The following SPATA13 variants were observed in gnomAD, a reference collection of about 807,000 sequenced individuals.
The protein encoded by SPATA13 is spermatogenesis-associated protein 13.
Under a neutral mutation model 104.0 loss-of-function variants are expected in SPATA13, and 50 were observed. That is an observed-to-expected ratio of 0.48 (90% confidence interval 0.38 to 0.61). The LOEUF (loss-of-function observed/expected upper bound fraction) is 0.61, where lower values mean the gene tolerates loss of function less well. Among genes scored for constraint, SPATA13 ranks in the 20% least tolerant of loss-of-function variants. The pLI is 0.00. For missense variants in SPATA13, 1,524 were observed against 1,690.6 expected, an observed-to-expected ratio of 0.90 and a Z score of 1.73; for synonymous variants, 606 against 667.5, an observed-to-expected ratio of 0.91 and a Z score of 1.42.
chr13:24,234,562 C>T (rs1477032926), intron 2 of SPATA13, among the ~76,000 whole-genome samples: 3 of 152,158 alleles, frequency 2.0e-5, no homozygotes, highest in Non-Finnish European at 2.9e-5. Context: ...GAAGGAATGC[C>T]GTACGTTTTG....
At chr13:24,197,282 G>A (rs1229908271) in intron 1 of SPATA13, among the ~76,000 whole-genome samples, 1 of 142,420 alleles carries the variant, frequency 7.0e-6, no homozygotes, top group Non-Finnish European at 1.5e-5. Flanking sequence ...AGACTCAGTA[G>A]GAAGAAATTG....
intron 1 of SPATA13, among the ~76,000 whole-genome samples, chr13:24,178,996 C>T (rs982247308): frequency 6.6e-6 from 1 of 152,222 alleles, no homozygotes; most frequent in Admixed American, 6.5e-5. Flanking sequence ...CTACATTTGA[C>T]TATTCTAGAC....
At chr13:23,988,253 G>C in intron 2 of SPATA13, among the ~76,000 whole-genome samples, 1 of 152,046 alleles carries the variant, frequency 6.6e-6, no homozygotes, top group East Asian at 1.9e-4. Flanking sequence ...AGCCAATTTT[G>C]TTCCTTTTTA....
intron 2 of SPATA13, among the ~76,000 whole-genome samples, chr13:23,990,742 G>C (rs942878): frequency 0.51 from 77,720 of 152,032 alleles, 21,061 homozygotes; most frequent in Non-Finnish European, 0.61. Context: ...CTTGTTTCCC[G>C]TGATCACCCA....
Position 24,077,402 on chromosome 13 carries a change from A to G in SPATA13, c.-112+59701A>G, listed in dbSNP as rs150774499. Among the ~76,000 whole-genome samples, 851 of 152,232 alleles carry G rather than the reference A, an allele frequency of 5.6e-3. 2 individuals are homozygous for G. The highest frequency in any genetic ancestry group is 8.3e-3 in the Non-Finnish European group (567 of 68,016). ...TGAGTTGACAAGTACATGTGATCAT[A>G]CTGGAACGAAAGAACAGATATAGTA... is the stretch of plus-strand genomic sequence containing the variant. On this transcript the variant is annotated intron_variant, in intron 3 of 14. Coordinates refer to the SPATA13 transcript ENST00000424834.
chr13:24,276,185 A>C (rs4238175), intron 4 of SPATA13, among the ~76,000 whole-genome samples: 2 of 152,156 alleles, frequency 1.3e-5, no homozygotes, highest in Non-Finnish European at 2.9e-5. Flanking sequence ...ATAGCCAAGT[A>C]GTAAAAGGAG....
chr13:24,248,883 C>CT (rs57863513), intron 2 of SPATA13, among the ~76,000 whole-genome samples: 63,562 of 144,008 alleles, frequency 0.44, 16,092 homozygotes, highest in East Asian at 0.61. Context: ...TGCTGATTTT[C>CT]TTTTTTTTTT....
Position 24,222,962 on chromosome 13 carries a change from C to G in SPATA13, c.33C>G (p.Pro11=). The G allele has an allele frequency of 1.3e-6, 2 of 1,551,278 alleles. No individual in the cohort carries two copies. Among genetic ancestry groups the G allele is most frequent in the Non-Finnish European group, 1.7e-6 (2 of 1,146,794 alleles). The change falls in exon 2 of 13, where the codon CCC becomes CCG. Residue 11 remains proline (P), a synonymous_variant. Transcript: ENST00000382108. MTQAAVRPWA[P]CLENMTTAPN... is the part of the protein sequence containing the mutation. ...AGGCTGCCGTGCGGCCCTGGGCACC[C>G]TGCCTGGAGAACATGACCACTGCCC...
chr13:24,025,835 A>C (rs1877187142), intron 3 of SPATA13, among the ~76,000 whole-genome samples: 1 of 140,580 alleles, frequency 7.1e-6, no homozygotes, highest in South Asian at 2.2e-4. Context: ...TTTGAGACGG[A>C]GTCTCACTCT....
intron 3 of SPATA13, among the ~76,000 whole-genome samples, chr13:24,026,672 G>T (rs1566077369): frequency 1.3e-5 from 2 of 152,100 alleles, no homozygotes; most frequent in Admixed American, 6.5e-5. Flanking sequence ...CCGCCTCCCG[G>T]GTTCACGCCA....
intron 2 of SPATA13, among the ~76,000 whole-genome samples, chr13:23,985,274 T>C (rs1347060181): frequency 6.6e-6 from 1 of 152,236 alleles, no homozygotes; most frequent in Non-Finnish European, 1.5e-5. Context: ...GCATGAAATG[T>C]GTCACGACCT....
At chr13:24,122,122 AC>A in intron 3 of SPATA13, 2 of 1,612,720 alleles carry the variant, frequency 1.2e-6, no homozygotes, top group East Asian at 4.5e-5. Context: ...CAACTGGAGC[AC>A]TGAATTTGTA....
intron 2 of SPATA13, among the ~76,000 whole-genome samples, chr13:23,984,768 C>T (rs773498403): frequency 4.6e-5 from 7 of 152,154 alleles, no homozygotes; most frequent in African/African-American, 1.4e-4. Flanking sequence ...AGAACAGCTA[C>T]GGGTATCCCA....
intron 3 of SPATA13, among the ~76,000 whole-genome samples, chr13:24,130,914 A>G (rs1391514482): frequency 6.6e-6 from 1 of 152,248 alleles, no homozygotes; most frequent in Non-Finnish European, 1.5e-5. Context: ...CTGAAAAGAA[A>G]GCTCTGATGA....
intron 3 of SPATA13, among the ~76,000 whole-genome samples, chr13:24,140,764 C>T (rs141521750): frequency 3.3e-4 from 50 of 152,352 alleles, no homozygotes; most frequent in African/African-American, 1.1e-3. Flanking sequence ...TCTGGGTTTT[C>T]TAACTTCATT....
chr13:23,995,647 TTTG>T (rs1421483282), intron 2 of SPATA13, among the ~76,000 whole-genome samples: 1 of 152,212 alleles, frequency 6.6e-6, no homozygotes, highest in Admixed American at 6.5e-5. Context: ...CAAATCTAAT[TTTG>T]TAATCTGGAA....
At chr13:24,104,245 T>G (rs1032116274) in intron 3 of SPATA13, among the ~76,000 whole-genome samples, 2 of 152,024 alleles carry the variant, frequency 1.3e-5, no homozygotes, top group Admixed American at 6.5e-5. Context: ...ATGGGTTTTT[T>G]TTTTTTGTTT....
At chr13:24,095,926 G>A (rs1232255752) in intron 3 of SPATA13, among the ~76,000 whole-genome samples, 1 of 152,156 alleles carries the variant, frequency 6.6e-6, no homozygotes, top group African/African-American at 2.4e-5. Flanking sequence ...TCCTTCAGAC[G>A]AGAACCTAGA....
intron 3 of SPATA13, among the ~76,000 whole-genome samples, chr13:24,125,375 T>C (rs1469759939): frequency 6.6e-6 from 1 of 152,130 alleles, no homozygotes; most frequent in Non-Finnish European, 1.5e-5. Context: ...TTAGGACATT[T>C]CAAGCCTCAG....
Sources: gnomAD v4.1 joint callset for allele counts (sites outside exome capture counted in the v4.1 genomes callset) on GRCh38, gnomAD v4.1.1 for gene constraint, MANE v1.5 for transcripts, NCBI Gene and HGNC (gene_info 2026-07-23, HGNC 2026-07-21) for gene names.